DNAH17: variants seen among roughly 807,000 people sequenced by gnomAD.
DNAH17 encodes the protein axonemal beta dynein heavy chain 17.
Under a neutral mutation model 485.6 loss-of-function variants are expected in DNAH17, and 376 were observed. The ratio of observed to expected loss-of-function variants is 0.77; its 90% CI spans 0.71 to 0.84. The LOEUF is 0.84. Among genes scored for constraint, DNAH17 ranks in the 40% least tolerant of loss-of-function variants. The pLI is 0.00. For synonymous variants in DNAH17, 3,031 were observed against 2,405.9 expected (o/e 1.26, Z -7.60); for missense variants, 6,370 against 5,839.3 (o/e 1.09, Z -2.96).
chr17:78,496,087 C>T (rs2090060508), intron 37 of DNAH17, 55 bp from the exon 38 acceptor site: 2 of 1,555,556 alleles, frequency 1.3e-6, no homozygotes, highest in Admixed American at 3.7e-5. Flanking sequence ...CTTCCACACA[C>T]CAGAGAGGCC....
At position 78,450,316 on chromosome 17, in the gene DNAH17, G is replaced by T; in HGVS notation, c.10978C>A (p.Leu3660Met). 6.2e-7 allele frequency: 1 copy of T among 1,614,048 alleles called. No homozygotes were observed. The highest frequency in any genetic ancestry group is 1.1e-5 in the South Asian group (1 of 91,084). ...AGATCGTTCAGTATGAAGTAGAGCAGAGATGCCCTCTCCGCAGCCGGGCGG... is the reference window on the plus strand; with the variant it reads ...AGATCGTTCAGTATGAAGTAGAGCATAGATGCCCTCTCCGCAGCCGGGCGG... ...NYRPAAERAS[L>M]LYFILNDLNK... Residue 3660 changes from leucine (L) to methionine (M), a missense_variant, in exon 68 of 81, where the codon CTG becomes ATG. Physicochemically the swap from Leu to Met is conservative, Grantham distance 15. Transcript: ENST00000389840.
At position 78,506,722 on chromosome 17, in the gene DNAH17, C is replaced by T. The variant is rs770106509; in HGVS notation, c.4801G>A (p.Glu1601Lys). The change falls in exon 30 of 81, where the codon GAG (glutamate) becomes AAG (lysine). Residue 1601 changes from glutamate to lysine, a missense_variant and splice_region_variant. Physicochemically the swap from Glu to Lys is moderately conservative, Grantham distance 56 (BLOSUM62 1). Coordinates refer to ENST00000389840, the MANE Select transcript of DNAH17 (RefSeq NM_173628.4). The part of the protein sequence containing the change: ...DILSNGNDPV[E>K]VSRHLSKLFD... ...GGAATGCAAGGGGCCCCGCCTACCT[C>T]CACGGGGTCATTGCCATTGGAGAGA... is the stretch of plus-strand genomic sequence containing the variant. 6.2e-7 allele frequency: 1 copy of T among 1,613,838 alleles called. No individual in the cohort carries two copies. The highest frequency in any genetic ancestry group is 1.3e-5 in the African/African-American group (1 of 74,922).
intron 74 of DNAH17, among the ~76,000 whole-genome samples, chr17:78,436,039 A>G (rs559967076): frequency 2.0e-4 from 31 of 152,232 alleles, no homozygotes; most frequent in Admixed American, 7.2e-4. Context: ...ATATTTCCAT[A>G]TAAGTAGTTT....
chr17:78,545,077 C>G (rs1036621321), intron 16 of DNAH17, among the ~76,000 whole-genome samples: 5 of 134,604 alleles, frequency 3.7e-5, no homozygotes, highest in African/African-American at 8.7e-5. Context: ...TTTACGGACT[C>G]TACATCATCA....
intron 48 of DNAH17, among the ~76,000 whole-genome samples, chr17:78,483,310 G>A (rs1159788121): frequency 2.0e-5 from 3 of 152,186 alleles, no homozygotes; most frequent in South Asian, 4.1e-4. Context: ...AAAGGCAAGT[G>A]ATGGAGTCAG....
At chr17:78,431,680 A>C (rs1277268444) in intron 75 of DNAH17, among the ~76,000 whole-genome samples, 2 of 151,978 alleles carry the variant, frequency 1.3e-5, no homozygotes, top group Non-Finnish European at 2.9e-5. Context: ...CATGAAGGGA[A>C]TATGGGAGCC....
intron 16 of DNAH17, among the ~76,000 whole-genome samples, chr17:78,550,999 A>G (rs1023124371): frequency 6.6e-6 from 1 of 152,212 alleles, no homozygotes; most frequent in African/African-American, 2.4e-5. Context: ...CAGGCGGATC[A>G]TTTGAGGTCA....
intron 63 of DNAH17, among the ~76,000 whole-genome samples, chr17:78,455,266 G>A (rs1243101754): frequency 1.3e-5 from 2 of 151,860 alleles, no homozygotes; most frequent in Admixed American, 1.3e-4. Flanking sequence ...AAGTCAAGGT[G>A]CCATGTGGCT....
chr17:78,529,039 G>A (rs909286002), intron 22 of DNAH17, among the ~76,000 whole-genome samples: 7 of 151,672 alleles, frequency 4.6e-5, no homozygotes, highest in Admixed American at 2.6e-4. Flanking sequence ...TGCCTCCCTG[G>A]TTCAAGCAAT....
intron 16 of DNAH17, among the ~76,000 whole-genome samples, chr17:78,547,429 G>C (rs907138602): frequency 1.3e-5 from 2 of 152,108 alleles, no homozygotes; most frequent in African/African-American, 4.8e-5. Context: ...TGGGCTACCT[G>C]CTTGGTAGAA....
rs563255558 is a variant in DNAH17, at chr17:78,574,794, G to A, written c.264C>T (p.Asn88=). 7 of 1,614,042 alleles carry A rather than the reference G, an allele frequency of 4.3e-6. No individual in the cohort carries two copies. In the African/African-American group the frequency reaches 9.3e-5, roughly 22 times the overall value. The change falls in exon 2 of 81, where the codon AAC becomes AAT. Residue 88 remains asparagine (N), a synonymous_variant. Transcript: ENST00000389840. The part of the protein sequence containing the change: ...YFIKTKSENI[N]KDNYRARLLY... Reference sequence around the variant, plus strand: ...GGAGCCGGGCCCTGTAGTTGTCCTTGTTGATGTTCTCGGACTTTGTCTTGA... The same window carrying A: ...GGAGCCGGGCCCTGTAGTTGTCCTTATTGATGTTCTCGGACTTTGTCTTGA...
chr17:78,495,463 G>A (rs1317773179), intron 38 of DNAH17, among the ~76,000 whole-genome samples: 2 of 140,892 alleles, frequency 1.4e-5, no homozygotes, highest in African/African-American at 5.4e-5. Flanking sequence ...TTGAGACAGA[G>A]TTTTGTTCTT....
At chr17:78,569,015 G>A in intron 9 of DNAH17, 151 bp downstream of exon 9, 1 of 667,942 alleles carries the variant, frequency 1.5e-6, no homozygotes, top group Admixed American at 2.9e-5. Flanking sequence ...CTGCCGCAAA[G>A]CCTTGGTTTC....
chr17:78,558,006 T>C, intron 14 of DNAH17, 102 bp downstream of exon 14: 1 of 1,366,026 alleles, frequency 7.3e-7, no homozygotes, highest in Admixed American at 2.6e-5. Context: ...AATGGGAAGA[T>C]TTCCCAGGAA....
chr17:78,458,783 G>T, intron 61 of DNAH17, 103 bp from the exon 62 acceptor site: 1 of 1,186,308 alleles, frequency 8.4e-7, no homozygotes, highest in Non-Finnish European at 1.2e-6. Context: ...GCGTGGAAGA[G>T]GCTCCCACAA....
chr17:78,466,489 T>A (rs938107249), intron 56 of DNAH17, among the ~76,000 whole-genome samples, 166 bp downstream of exon 56: 1 of 152,200 alleles, frequency 6.6e-6, no homozygotes, highest in African/African-American at 2.4e-5. Flanking sequence ...ACCTCACTTA[T>A]CTTGATGCCT....
intron 16 of DNAH17, among the ~76,000 whole-genome samples, chr17:78,545,146 A>G (rs956569281): frequency 6.6e-6 from 1 of 151,940 alleles, no homozygotes; most frequent in African/African-American, 2.4e-5. Context: ...GACTTAGATC[A>G]CCCGCCTCCC....
chr17:78,435,253 G>T (rs899456741), intron 74 of DNAH17, among the ~76,000 whole-genome samples: 2 of 152,130 alleles, frequency 1.3e-5, no homozygotes, highest in Non-Finnish European at 2.9e-5. Context: ...AAGGCCTGGC[G>T]GGTGTCACCG....
chr17:78,527,340 T>G (rs772415840), intron 22 of DNAH17, among the ~76,000 whole-genome samples: 1 of 152,224 alleles, frequency 6.6e-6, no homozygotes, highest in African/African-American at 2.4e-5. Flanking sequence ...TGAGCAAGAT[T>G]GTACCACTGC....
Sources: allele counts gnomAD v4.1 joint callset (sites outside exome capture counted in the v4.1 genomes callset), GRCh38; gene constraint gnomAD v4.1.1; transcripts MANE v1.5; gene names NCBI Gene and HGNC (gene_info 2026-07-23, HGNC 2026-07-21).